Variants in NPHS1 observed in about 807,000 individuals in gnomAD.
NPHS1 encodes the protein NPHS1 adhesion molecule, nephrin, also known as nephrin.
NPHS1 carries 107 observed loss-of-function variants against 139.7 expected under a neutral mutation model. The observed-to-expected ratio is 0.77, with a 90% CI of 0.66 to 0.90. The LOEUF is 0.90. NPHS1 is among the 40% of genes least tolerant of loss of function. The probability of loss-of-function intolerance (pLI) is 0.00; values close to 1 mark genes in which losing one functional copy is unlikely to be tolerated. For synonymous variants in NPHS1, 707 were observed against 706.6 expected, an observed-to-expected ratio of 1.00 and a Z score of -0.01; for missense variants, 1,580 against 1,654.2, an observed-to-expected ratio of 0.96 and a Z score of 0.78.
intron 22 of NPHS1, among the ~76,000 whole-genome samples, chr19:35,837,764 G>A (rs570648407): frequency 3.3e-5 from 5 of 151,774 alleles, no homozygotes; most frequent in East Asian, 3.9e-4. Flanking sequence ...CACCACACCC[G>A]GCTAATTTTG....
chr19:35,849,508 TC>T (rs1458631933), intron 6 of NPHS1, 41 bp downstream of exon 6: 1 of 1,596,218 alleles, frequency 6.3e-7, no homozygotes, highest in Non-Finnish European at 8.6e-7. Context: ...CAGTGCCTGC[TC>T]CCCATCCTCA....
chr19:35,831,839 T>C lies in NPHS1; in HGVS notation c.3167-77A>G, dbSNP rs1972890426. The C allele has an allele frequency of 3.4e-6, 5 of 1,469,018 alleles. No homozygotes were observed. The South Asian group carries it at 4.9e-5, about 14-fold the overall frequency. The allele number at this position is 1,469,018 out of a possible 1,614,324, so 91.0% of individuals were successfully genotyped here. On this transcript the variant is annotated intron_variant, in intron 23 of 28. Transcript: ENST00000378910. ...AGGGGTGGGTCTCCCCGAGAAAGTGTAGCCCTGACCAAGTCCCTCCCCCAG... is the reference window on the plus strand; with the variant it reads ...AGGGGTGGGTCTCCCCGAGAAAGTGCAGCCCTGACCAAGTCCCTCCCCCAG...
rs907991252 is a variant in NPHS1 at position 35,825,478 on chromosome 19, A to C, written c.*1036T>G. ...TTTTGACAAATCTGTGCACCCGTGC[A>C]ACCACCACCACAATCGTTATATAGA... On this transcript the variant is annotated 3_prime_UTR_variant, in exon 29 of 29. Coordinates refer to ENST00000378910, the MANE Select transcript of NPHS1 (RefSeq NM_004646.4). Among the ~76,000 whole-genome samples, 2 of 152,178 alleles carry C rather than the reference A, an allele frequency of 1.3e-5. No individual in the cohort carries two copies. Among genetic ancestry groups the C allele is most frequent in the South Asian group, 2.1e-4 (1 of 4,824 alleles).
chr19:35,840,193 TG>T (rs1209502573), intron 20 of NPHS1, among the ~76,000 whole-genome samples: 1 of 147,772 alleles, frequency 6.8e-6, no homozygotes, highest in African/African-American at 2.5e-5. Flanking sequence ...TTAGTAGAGA[TG>T]GGGTTTCACT....
Position 35,845,635 on chromosome 19 carries a change from G to C in NPHS1, c.1757+34C>G, listed in dbSNP as rs1378794612. Reference sequence around the variant, plus strand: ...GACATGCGTGGAGGGGGCGAGGCCAGACCAGAGAGGGGAGGGATCCCTCGC... The same window carrying C: ...GACATGCGTGGAGGGGGCGAGGCCACACCAGAGAGGGGAGGGATCCCTCGC... On this transcript the variant is annotated intron_variant, in intron 13 of 28. Transcript: ENST00000378910. The surrounding 1 kb of genome is among the most constrained non-coding windows in gnomAD (Gnocchi z 5.5). The C allele has an allele frequency of 6.2e-7, 1 of 1,611,114 alleles. No individual in the cohort carries two copies. The highest frequency in any genetic ancestry group is 1.7e-5 in the Admixed American group (1 of 59,582).
rs1230829889 is a variant in NPHS1 at position 35,845,554 on chromosome 19, G to T, written c.1758-14C>A. On this transcript the variant is annotated splice_polypyrimidine_tract_variant and intron_variant, in intron 13 of 28. Coordinates refer to ENST00000378910, the MANE Select transcript of NPHS1 (RefSeq NM_004646.4). The surrounding 1 kb of genome is among the most constrained non-coding windows in gnomAD (Gnocchi z 5.5). ...ACGCCCTCCAGCCTGTGGAACCGGG[G>T]TCAAGCCAGGGCTGCGAGCGGAGCC... 7 of 1,611,512 alleles carry T rather than the reference G, an allele frequency of 4.3e-6. No individual in the cohort carries two copies. The East Asian group carries it at 6.7e-5, about 15-fold the overall frequency.
intron 28 of NPHS1, among the ~76,000 whole-genome samples, chr19:35,829,092 C>CA (rs1972838419): frequency 6.6e-6 from 1 of 152,234 alleles, no homozygotes; most frequent in South Asian, 2.1e-4. Context: ...CCTGTACAGC[C>CA]ACCATCCTCA....
chr19:35,849,714 G>A lies in NPHS1; in HGVS notation c.609-61C>T, dbSNP rs2267588. On this transcript the variant is annotated intron_variant, in intron 5 of 28. Coordinates refer to ENST00000378910, the MANE Select transcript of NPHS1 (RefSeq NM_004646.4). The stretch of plus-strand genomic sequence containing the variant: ...ATCATCTGAAATTTGGGGAGTCAGG[G>A]AGAAGAGGTGGGGATGTCACCTCTG... 8.6e-4 allele frequency: 1,097 copies of A among 1,272,518 alleles called. 8 individuals are homozygous for A. The African/African-American group carries it at 0.015, about 17-fold the overall frequency. The allele number at this position is 1,272,518 out of a possible 1,614,324, so 78.8% of individuals were successfully genotyped here.
intron 23 of NPHS1, among the ~76,000 whole-genome samples, chr19:35,833,664 A>G (rs1430469609): frequency 6.6e-6 from 1 of 152,074 alleles, no homozygotes; most frequent in East Asian, 1.9e-4. Context: ...GAAAGTGGCC[A>G]CACTTGGAAT....
chr19:35,838,918 T>G (rs1321560445), intron 22 of NPHS1, among the ~76,000 whole-genome samples: 1 of 152,178 alleles, frequency 6.6e-6, no homozygotes, highest in Non-Finnish European at 1.5e-5. Context: ...GCTATAAATT[T>G]CCCTCTAAGT....
chr19:35,851,894 C>G lies in NPHS1; in HGVS notation c.-57G>C. Reference sequence around the variant, plus strand: ...CCCGCTGCCAGCCACCTGCGTCTGTCTGGCTTTCTCTGGGTCCCTCTCTGT... The same window carrying G: ...CCCGCTGCCAGCCACCTGCGTCTGTGTGGCTTTCTCTGGGTCCCTCTCTGT... On this transcript the variant is annotated 5_prime_UTR_variant, in exon 1 of 29. Coordinates refer to ENST00000378910, the MANE Select transcript of NPHS1 (RefSeq NM_004646.4). 1 of 1,455,950 alleles carries G rather than the reference C, an allele frequency of 6.9e-7. No individual in the cohort carries two copies. Among genetic ancestry groups the G allele is most frequent in the Non-Finnish European group, 9.4e-7 (1 of 1,061,446 alleles). The allele number at this position is 1,455,950 out of a possible 1,614,324, so 90.2% of individuals were successfully genotyped here. A position where few individuals can be genotyped will look rare whatever the true frequency, so the allele number is the denominator to read the frequency against.
At position 35,838,251 on chromosome 19, in the gene NPHS1, AAAAC is replaced by A. The variant is rs535327249; in HGVS notation, c.3109+982_3109+985del. 9.9e-5 allele frequency among the ~76,000 whole-genome samples: 15 copies of A among 151,548 alleles called. No individual in the cohort carries two copies. The South Asian group carries it at 2.3e-3, about 23-fold the overall frequency. On this transcript the variant is annotated intron_variant, in intron 22 of 28. Coordinates refer to ENST00000378910, the MANE Select transcript of NPHS1 (RefSeq NM_004646.4). The stretch of plus-strand genomic sequence containing the variant: ...AAGAACAAAACTGCGTCTCAGAACA[AAAAC>A]AAACAAACAAAAAGTGGCCAAGCGT...
chr19:35,843,795 T>G, intron 16 of NPHS1: 1 of 677,346 alleles, frequency 1.5e-6, no homozygotes, highest in Non-Finnish European at 2.5e-6. Flanking sequence ...TCTGTGATAA[T>G]TAGAGTGAGT....
chr19:35,846,253 A>AC, intron 11 of NPHS1, 59 bp from the exon 12 acceptor site: 1 of 1,513,032 alleles, frequency 6.6e-7, no homozygotes, highest in South Asian at 1.2e-5. Context: ...CCAACCCCCA[A>AC]CCCCCCTACC....
intron 22 of NPHS1, among the ~76,000 whole-genome samples, chr19:35,838,540 G>C (rs1973008976): frequency 6.6e-6 from 1 of 150,690 alleles, no homozygotes; most frequent in Admixed American, 6.6e-5. Context: ...GTGGCAGAGT[G>C]AGACTCCATC....
rs1060499706 is a variant in NPHS1 at position 35,851,797 on chromosome 19, A to G, written c.41T>C (p.Leu14Pro). The change falls in exon 1 of 29, where the codon CTG (leucine) becomes CCG (proline). Residue 14 changes from leucine to proline, a missense_variant. By Grantham distance (98) the Leu-to-Pro change is moderately conservative. Coordinates refer to ENST00000378910, the MANE Select transcript of NPHS1 (RefSeq NM_004646.4). ...CCACTCACCTTCAGTCAGCAGCCCC[A>G]GGAGCAGGAGAGAAGCCCTGAGCGT... Reference protein sequence around the residue: ...GTTLRASLLLLGLLTEGLAQL... With the variant: ...GTTLRASLLLPGLLTEGLAQL... 6.4e-7 allele frequency: 1 copy of G among 1,553,372 alleles called. No homozygotes were observed. Among genetic ancestry groups the G allele is most frequent in the South Asian group, 1.2e-5 (1 of 84,160 alleles).
In NPHS1 at chr19:35,841,854, G is replaced by A; in HGVS notation, c.2676C>T (p.His892=). 6.2e-7 allele frequency: 1 copy of A among 1,611,850 alleles called. No individual in the cohort carries two copies. The highest frequency in any genetic ancestry group is 1.7e-5 in the Admixed American group (1 of 59,524). Residue 892 remains histidine (H), a synonymous_variant, in exon 20 of 29, where the codon CAC becomes CAT. Coordinates refer to ENST00000378910, the MANE Select transcript of NPHS1 (RefSeq NM_004646.4). ...TGTGGACACCACCCTGGTGGTATGT[G>A]TGCTCCGTGTACCTAGAGAGAAGGT... ...LDLQDPRYTE[H]TYHQGGVHSS... is the part of the protein sequence containing the mutation.
intron 11 of NPHS1, among the ~76,000 whole-genome samples, chr19:35,847,288 G>T (rs1389500152): frequency 7.1e-6 from 1 of 141,060 alleles, no homozygotes; most frequent in African/African-American, 2.7e-5. Context: ...CTCGTGATCC[G>T]CCCGCCTCAG....
In NPHS1 at chr19:35,851,911, C is replaced by CCT. The variant is rs1024762917; in HGVS notation, c.-76_-75dup. On this transcript the variant is annotated 5_prime_UTR_variant, in exon 1 of 29. Coordinates refer to ENST00000378910, the MANE Select transcript of NPHS1 (RefSeq NM_004646.4). ...GCGTCTGTCTGGCTTTCTCTGGGTC[C>CCT]CTCTCTGTGTGTCTCTGCCACCTGC... The CCT allele has an allele frequency of 2.7e-5, 36 of 1,330,332 alleles. No individual in the cohort carries two copies. In the African/African-American group the frequency reaches 4.5e-4, roughly 17 times the overall value. 82.4% of individuals were successfully genotyped at this position (1,330,332 alleles called of 1,614,324 possible).
Sources: gnomAD v4.1 joint callset for allele counts (sites outside exome capture counted in the v4.1 genomes callset) on GRCh38, gnomAD v4.1.1 for gene constraint, Gnocchi (gnomAD v3.1) non-coding constraint, MANE v1.5 for transcripts, NCBI Gene and HGNC (gene_info 2026-07-23, HGNC 2026-07-21) for gene names.